Variants in SMLR1 observed in about 807,000 individuals in gnomAD.
SMLR1 encodes small leucine-rich protein 1.
In SMLR1, 3 loss-of-function variants were observed where a neutral mutation model predicts 6.1. That is an observed-to-expected ratio of 0.49 (90% CI 0.22 to 1.28). SMLR1 has a LOEUF of 1.28. SMLR1 is among the 50% of genes most tolerant of loss of function. The pLI, the probability that SMLR1 is intolerant of heterozygous loss-of-function variation, is 0.19. For synonymous variants in SMLR1, 55 were observed against 53.6 expected, an observed-to-expected ratio of 1.03 and a Z score of -0.11; for missense variants, 126 against 124.8, an observed-to-expected ratio of 1.01 and a Z score of -0.05.
Position 130,834,997 on chromosome 6 carries a change from C to G in SMLR1, c.*42C>G, listed in dbSNP as rs1419209519. 6.8e-7 allele frequency: 1 copy of G among 1,477,430 alleles called. No homozygotes were observed. The highest frequency in any genetic ancestry group is 9.1e-7 in the Non-Finnish European group (1 of 1,093,952). 91.5% of individuals were successfully genotyped at this position (1,477,430 alleles called of 1,614,324 possible). ...ATAACTAAAGCACAATGAGTTTCTA[C>G]TGGTCAGCAAGCAATGGCCAACAGT... On this transcript the variant is annotated 3_prime_UTR_variant, in exon 2 of 2. Transcript: ENST00000541421.
At chr6:130,828,064 G>A (rs74774547) in intron 1 of SMLR1, among the ~76,000 whole-genome samples, 3 of 15,162 alleles carry the variant, frequency 2.0e-4, no homozygotes, top group African/African-American at 3.7e-4. Context: ...GTATGCGCCC[G>A]TGTGTGCACA....
chr6:130,833,414 A>G (rs893728753), intron 1 of SMLR1, among the ~76,000 whole-genome samples: 1 of 152,108 alleles, frequency 6.6e-6, no homozygotes, highest in African/African-American at 2.4e-5. Flanking sequence ...ATTGGTAATA[A>G]GAGTAAAAGG....
At chr6:130,833,148 T>C (rs549042515) in intron 1 of SMLR1, among the ~76,000 whole-genome samples, 1 of 152,154 alleles carries the variant, frequency 6.6e-6, no homozygotes, top group Non-Finnish European at 1.5e-5. Context: ...GACAGCCAAA[T>C]TGCAAGCTCT....
intron 1 of SMLR1, among the ~76,000 whole-genome samples, chr6:130,834,092 T>C (rs1013827512): frequency 1.3e-5 from 2 of 152,178 alleles, no homozygotes; most frequent in Non-Finnish European, 2.9e-5. Context: ...GGAAGAGAGC[T>C]GTGTCTTCTG....
rs1227564305 is a variant in SMLR1 at position 130,834,880 on chromosome 6, A to G, written c.249A>G (p.Glu83=). ...TATTTTTCCTTTCAGTTAATGAAGAACTGTCCCAGAACTGTGATCGCCAAC... is the reference window on the plus strand; with the variant it reads ...TATTTTTCCTTTCAGTTAATGAAGAGCTGTCCCAGAACTGTGATCGCCAAC... ...FRIKLIEVNE[E]LSQNCDRQHN... Residue 83 remains glutamate (E), a synonymous_variant, in exon 2 of 2, where the codon GAA becomes GAG. Transcript: ENST00000541421. 1.3e-6 allele frequency: 2 copies of G among 1,535,160 alleles called. No homozygotes were observed. The highest frequency in any genetic ancestry group is 1.7e-6 in the Non-Finnish European group (2 of 1,146,196).
intron 1 of SMLR1, among the ~76,000 whole-genome samples, chr6:130,833,953 G>C (rs1159299113): frequency 6.6e-6 from 1 of 152,110 alleles, no homozygotes; most frequent in East Asian, 1.9e-4. Flanking sequence ...AGCATTTTCA[G>C]GTTCAAGCCT....
At position 130,836,878 on chromosome 6, in the gene SMLR1, C is replaced by T. The variant is rs184497764; in HGVS notation, c.*1923C>T. Reference sequence around the variant, plus strand: ...GATCTCATTCAGTCCTGAACTGCTTCGGTCCTTTGCATTCCTGCTGTCTTG... The same window carrying T: ...GATCTCATTCAGTCCTGAACTGCTTTGGTCCTTTGCATTCCTGCTGTCTTG... On this transcript the variant is annotated 3_prime_UTR_variant, in exon 2 of 2. Coordinates refer to ENST00000541421, the MANE Select transcript of SMLR1 (RefSeq NM_001195597.2). 1.3e-5 allele frequency: 2 copies of T among 152,310 alleles called. No individual in the cohort carries two copies. The highest frequency in any genetic ancestry group is 1.9e-4 in the East Asian group (1 of 5,182). The allele number at this position is 152,310 out of a possible 1,614,324, so 9.4% of individuals were successfully genotyped here.
intron 1 of SMLR1, among the ~76,000 whole-genome samples, chr6:130,829,207 A>G (rs1206346099): frequency 1.3e-5 from 2 of 152,230 alleles, no homozygotes; most frequent in Admixed American, 1.3e-4. Context: ...ATGGATATCA[A>G]GATCCCTTAT....
chr6:130,836,666 A>G lies in SMLR1; in HGVS notation c.*1711A>G, dbSNP rs1209021789. 1 of 152,180 alleles carries G rather than the reference A, an allele frequency of 6.6e-6. No homozygotes were observed. Among genetic ancestry groups the G allele is most frequent in the Non-Finnish European group, 1.5e-5 (1 of 68,018 alleles). The allele number at this position is 152,180 out of a possible 1,614,324, so 9.4% of individuals were successfully genotyped here. A position where few individuals can be genotyped will look rare whatever the true frequency, so the allele number is the denominator to read the frequency against. ...TCCAATGAAACTGACTAGATTTATGAATGTTTTTTATATGTAGAGAGGGGC... is the reference window on the plus strand; with the variant it reads ...TCCAATGAAACTGACTAGATTTATGGATGTTTTTTATATGTAGAGAGGGGC... On this transcript the variant is annotated 3_prime_UTR_variant, in exon 2 of 2. Transcript: ENST00000541421.
intron 1 of SMLR1, among the ~76,000 whole-genome samples, chr6:130,832,082 C>T (rs569223207): frequency 7.9e-5 from 12 of 152,174 alleles, no homozygotes; most frequent in Non-Finnish European, 1.8e-4. Context: ...ATAGCCAATC[C>T]CTGCATCAGC....
At chr6:130,830,974 A>G (rs1336080230) in intron 1 of SMLR1, among the ~76,000 whole-genome samples, 3 of 152,322 alleles carry the variant, frequency 2.0e-5, no homozygotes, top group Non-Finnish European at 1.5e-5. Context: ...CCTGTGGAGT[A>G]GCCATTCTTT....
At position 130,827,632 on chromosome 6, in the gene SMLR1, C is replaced by T. The variant is rs1429709556; in HGVS notation, c.219C>T (p.Phe73=). ...TLLLLLLIAY[F]RIKLIEVNEE... ...TGCTGCTCCTCCTCATCGCCTACTT[C>T]AGGATCAAACTGATTGAGGGTAAGT... is the stretch of plus-strand genomic sequence containing the variant. Residue 73 remains phenylalanine (F), a synonymous_variant, in exon 1 of 2, where the codon TTC becomes TTT. Coordinates refer to ENST00000541421, the MANE Select transcript of SMLR1 (RefSeq NM_001195597.2). 2 of 1,535,920 alleles carry T rather than the reference C, an allele frequency of 1.3e-6. No individual in the cohort carries two copies. The highest frequency in any genetic ancestry group is 8.7e-7 in the Non-Finnish European group (1 of 1,146,784).
intron 1 of SMLR1, among the ~76,000 whole-genome samples, chr6:130,827,892 G>A (rs1774325551): frequency 6.6e-6 from 1 of 152,166 alleles, no homozygotes; most frequent in Admixed American, 6.6e-5. Flanking sequence ...CTCACGTGTA[G>A]CACCTCACAG....
At chr6:130,833,763 C>T (rs6938735) in intron 1 of SMLR1, among the ~76,000 whole-genome samples, 117,083 of 152,090 alleles carry the variant, frequency 0.77, 45,580 homozygotes, top group East Asian at 1. Context: ...GTATTGGCTA[C>T]TAAATCTTGA....
In SMLR1 at chr6:130,836,366, C is replaced by CTT. The variant is rs1774659859; in HGVS notation, c.*1413_*1414dup. On this transcript the variant is annotated 3_prime_UTR_variant, in exon 2 of 2. Coordinates refer to ENST00000541421, the MANE Select transcript of SMLR1 (RefSeq NM_001195597.2). ...GGGGAAATCAGCTTATGTAAAAATG[C>CTT]TTTCTTTAACAGAAAGTGTGAAAGG... is the stretch of plus-strand genomic sequence containing the variant. The CTT allele has an allele frequency of 6.6e-6, 1 of 152,144 alleles. No homozygotes were observed. Among genetic ancestry groups the CTT allele is most frequent in the Non-Finnish European group, 1.5e-5 (1 of 68,010 alleles). The allele number at this position is 152,144 out of a possible 1,614,324, so 9.4% of individuals were successfully genotyped here. A position where few individuals can be genotyped will look rare whatever the true frequency, so the allele number is the denominator to read the frequency against.
chr6:130,834,998 T>C lies in SMLR1; in HGVS notation c.*43T>C, dbSNP rs1272834344. 6.1e-6 allele frequency: 9 copies of C among 1,476,164 alleles called. No individual in the cohort carries two copies. The highest frequency in any genetic ancestry group is 1.4e-5 in the African/African-American group (1 of 71,696). 91.4% of individuals were successfully genotyped at this position (1,476,164 alleles called of 1,614,324 possible). On this transcript the variant is annotated 3_prime_UTR_variant, in exon 2 of 2. Transcript: ENST00000541421. ...TAACTAAAGCACAATGAGTTTCTACTGGTCAGCAAGCAATGGCCAACAGTT... is the reference window on the plus strand; with the variant it reads ...TAACTAAAGCACAATGAGTTTCTACCGGTCAGCAAGCAATGGCCAACAGTT...
rs1480762049 is a variant in SMLR1, at chr6:130,827,651, G to C, written c.238G>C (p.Val80Leu). Residue 80 changes from valine to leucine, a missense_variant and splice_region_variant, in exon 1 of 2, where the codon GTT (valine) becomes CTT (leucine). Transcript: ENST00000541421. ...IAYFRIKLIEVNEELSQNCDR... is the reference protein window; with the variant it reads ...IAYFRIKLIELNEELSQNCDR... ...CTACTTCAGGATCAAACTGATTGAG[G>C]GTAAGTGTGAGGCCACACAAGGAAG... The C allele has an allele frequency of 2.6e-6, 4 of 1,535,216 alleles. No homozygotes were observed. Among genetic ancestry groups the C allele is most frequent in the Non-Finnish European group, 3.5e-6 (4 of 1,146,336 alleles).
At chr6:130,834,642 T>C (rs1292102251) in intron 1 of SMLR1, among the ~76,000 whole-genome samples, 2 of 152,166 alleles carry the variant, frequency 1.3e-5, no homozygotes, top group Non-Finnish European at 2.9e-5. Flanking sequence ...TGGTAGTTTG[T>C]TTGCTCTAAC....
intron 1 of SMLR1, among the ~76,000 whole-genome samples, 161 bp from the exon 2 acceptor site, chr6:130,834,709 T>C (rs1257407434): frequency 6.6e-6 from 1 of 152,178 alleles, no homozygotes; most frequent in Non-Finnish European, 1.5e-5. Context: ...GTTGAGGAGA[T>C]AAGGATCGAT....
Sources: gnomAD v4.1 joint callset for allele counts (sites outside exome capture counted in the v4.1 genomes callset) on GRCh38, gnomAD v4.1.1 for gene constraint, MANE v1.5 for transcripts, NCBI Gene and HGNC (gene_info 2026-07-23, HGNC 2026-07-21) for gene names.